The following FCHO2 variants were observed in gnomAD, a reference collection of about 807,000 sequenced individuals.
FCHO2 encodes FCH and mu domain containing endocytic adaptor 2, also known as F-BAR domain only protein 2.
A neutral mutation model predicts 114.1 loss-of-function variants in FCHO2; 43 were observed. The ratio of observed to expected loss-of-function variants is 0.38; its 90% CI spans 0.30 to 0.49. The LOEUF is 0.49. Ranked by LOEUF, FCHO2 falls within the 20% of genes least tolerant of loss-of-function variation. FCHO2 has a pLI of 0.97. For missense variants in FCHO2, 807 were observed against 950.4 expected (o/e 0.85, Z 1.98); for synonymous variants, 293 against 315.2 (o/e 0.93, Z 0.75).
chr5:72,963,902 G>GTTTTTTTTTTTTTTTTTTTTTT (rs70973214), intron 1 of FCHO2, among the ~76,000 whole-genome samples: 2 of 95,694 alleles, frequency 2.1e-5, no homozygotes, highest in Non-Finnish European at 3.9e-5. Flanking sequence ...GGAACTTTCA[G>GTTTTTTTTTTTTTTTTTTTTTT]TTTTTTTTTT....
chr5:72,961,730 G>T (rs761205728), intron 1 of FCHO2, among the ~76,000 whole-genome samples: 4 of 152,076 alleles, frequency 2.6e-5, no homozygotes, highest in Non-Finnish European at 1.5e-5. Context: ...TGGTAGCTGG[G>T]ATTACCGGCA....
At chr5:72,998,399 A>G (rs1332977847) in intron 5 of FCHO2, among the ~76,000 whole-genome samples, 4 of 151,938 alleles carry the variant, frequency 2.6e-5, no homozygotes, top group African/African-American at 9.7e-5. Flanking sequence ...AGGCAGGAGA[A>G]TGGCGTGAAC....
intron 5 of FCHO2, among the ~76,000 whole-genome samples, chr5:73,004,418 C>T (rs190928614): frequency 4.3e-4 from 65 of 152,146 alleles, no homozygotes; most frequent in Non-Finnish European, 1.0e-4. Flanking sequence ...AAAATTGTTA[C>T]GGGTTTTAGT....
At chr5:73,075,490 G>C (rs1742870330) in intron 20 of FCHO2, among the ~76,000 whole-genome samples, 1 of 152,114 alleles carries the variant, frequency 6.6e-6, no homozygotes, top group Non-Finnish European at 1.5e-5. Context: ...AGTCCGGAGA[G>C]GTATGAGACC....
chr5:72,991,197 T>C (rs772165921), intron 5 of FCHO2, among the ~76,000 whole-genome samples: 1 of 152,142 alleles, frequency 6.6e-6, no homozygotes, highest in African/African-American at 2.4e-5. Context: ...CCCAAATAGC[T>C]GGGATTACAG....
At chr5:72,958,217 ATTAC>A (rs1429598539) in intron 1 of FCHO2, among the ~76,000 whole-genome samples, 2 of 151,460 alleles carry the variant, frequency 1.3e-5, no homozygotes, top group Non-Finnish European at 2.9e-5. Context: ...ATTTTTTTCT[ATTAC>A]TTGTGCTTTT....
At position 73,056,083 on chromosome 5, in the gene FCHO2, C is replaced by T. The variant is rs866981226; in HGVS notation, c.1229C>T (p.Ser410Leu). 1 of 1,526,440 alleles carries T rather than the reference C, an allele frequency of 6.6e-7. No individual in the cohort carries two copies. Among genetic ancestry groups the T allele is most frequent in the Non-Finnish European group, 8.8e-7 (1 of 1,138,006 alleles). 94.6% of individuals were successfully genotyped at this position (1,526,440 alleles called of 1,614,324 possible). Reference sequence around the variant, plus strand: ...TAATTAGATGAGGAGTTAACAAAATCAAAGCCATCTGCTCCACCCAATGAG... The same window carrying T: ...TAATTAGATGAGGAGTTAACAAAATTAAAGCCATCTGCTCCACCCAATGAG... ...RNLSNEELTK[S>L]KPSAPPNEKG... Residue 410 changes from serine to leucine, a missense_variant, in exon 16 of 26, where the codon TCA becomes TTA. Transcript: ENST00000430046.
intron 5 of FCHO2, among the ~76,000 whole-genome samples, chr5:72,992,935 C>T (rs904711302): frequency 1.4e-5 from 2 of 147,698 alleles, no homozygotes; most frequent in Admixed American, 6.8e-5. Context: ...TGATGAAGGG[C>T]GAGAGAGAAG....
At chr5:72,974,818 G>A (rs1261613317) in intron 2 of FCHO2, among the ~76,000 whole-genome samples, 1 of 152,028 alleles carries the variant, frequency 6.6e-6, no homozygotes, top group Non-Finnish European at 1.5e-5. Context: ...TTACATTTTG[G>A]CATGATTTTG....
chr5:72,999,378 CT>C (rs762347449), intron 5 of FCHO2, among the ~76,000 whole-genome samples: 3,338 of 100,492 alleles, frequency 0.033, 133 homozygotes, highest in African/African-American at 0.14. Flanking sequence ...ATTCACAGGC[CT>C]TTTTTTTTTT....
intron 2 of FCHO2, among the ~76,000 whole-genome samples, chr5:72,970,143 T>C (rs531670860): frequency 6.6e-6 from 1 of 152,310 alleles, no homozygotes; most frequent in East Asian, 1.9e-4. Flanking sequence ...TTACCTCTTC[T>C]CTTTCAGCCA....
At chr5:73,081,461 C>T (rs11743222) in intron 22 of FCHO2, among the ~76,000 whole-genome samples, 45,303 of 152,058 alleles carry the variant, frequency 0.3, 6,981 homozygotes, top group East Asian at 0.44. Context: ...AAACTTTACA[C>T]GCATAATTAA....
intron 1 of FCHO2, among the ~76,000 whole-genome samples, chr5:72,967,885 G>T (rs1752287660): frequency 6.6e-6 from 1 of 151,528 alleles, no homozygotes; most frequent in Non-Finnish European, 1.5e-5. Context: ...CTCCCAAAAT[G>T]CTGGGATTAC....
At chr5:73,080,568 A>G (rs574292977) in intron 22 of FCHO2, among the ~76,000 whole-genome samples, 16 of 152,332 alleles carry the variant, frequency 1.1e-4, no homozygotes, top group Non-Finnish European at 1.9e-4. Flanking sequence ...ATATGCCTGA[A>G]GAGTCTGGAA....
chr5:73,022,104 T>C (rs1465206757), intron 8 of FCHO2, among the ~76,000 whole-genome samples: 1 of 152,120 alleles, frequency 6.6e-6, no homozygotes, highest in African/African-American at 2.4e-5. Flanking sequence ...TTTGGAAAAA[T>C]TAGACTAGAA....
chr5:72,971,655 T>C (rs1291181257), intron 2 of FCHO2, among the ~76,000 whole-genome samples: 1 of 152,242 alleles, frequency 6.6e-6, no homozygotes, highest in Non-Finnish European at 1.5e-5. Context: ...GTAGGTTGCC[T>C]GTTCACTCTA....
intron 18 of FCHO2, among the ~76,000 whole-genome samples, chr5:73,067,848 A>G (rs1261225244): frequency 1.3e-5 from 2 of 152,020 alleles, no homozygotes; most frequent in African/African-American, 2.4e-5. Flanking sequence ...CTACTGAATT[A>G]TTGGTACAGT....
At chr5:73,072,329 T>A (rs1477734803) in intron 19 of FCHO2, among the ~76,000 whole-genome samples, 1 of 152,118 alleles carries the variant, frequency 6.6e-6, no homozygotes, top group Non-Finnish European at 1.5e-5. Context: ...GTACAGCTGC[T>A]GTGGAAAACA....
At chr5:72,973,128 A>G (rs947346651) in intron 2 of FCHO2, among the ~76,000 whole-genome samples, 2 of 152,150 alleles carry the variant, frequency 1.3e-5, no homozygotes, top group African/African-American at 4.8e-5. Context: ...GGATTTTTGC[A>G]TCAATGTTCA....
Sources: gnomAD v4.1 joint callset for allele counts (sites outside exome capture counted in the v4.1 genomes callset) on GRCh38, gnomAD v4.1.1 for gene constraint, MANE v1.5 for transcripts, NCBI Gene and HGNC (gene_info 2026-07-23, HGNC 2026-07-21) for gene names.